CREM: variants seen among roughly 807,000 people sequenced by gnomAD.
The protein encoded by CREM is cAMP responsive element modulator.
Under a neutral mutation model 37.3 loss-of-function variants are expected in CREM, and 13 were observed. That is an observed-to-expected ratio of 0.35 (90% CI 0.23 to 0.55). The LOEUF is 0.55. CREM is among the 20% of genes least tolerant of loss of function. The pLI is 0.88. For missense variants in CREM, 296 were observed against 362.3 expected (o/e 0.82, Z 1.49); for synonymous variants, 124 against 120.2 (o/e 1.03, Z -0.21).
At chr10:35,205,872 C>A (rs957724455) in intron 6 of CREM, among the ~76,000 whole-genome samples, 1 of 150,830 alleles carries the variant, frequency 6.6e-6, no homozygotes, top group Admixed American at 6.6e-5. Flanking sequence ...GTACAAGAAT[C>A]GCTTGAACTG....
intron 1 of CREM, among the ~76,000 whole-genome samples, chr10:35,137,160 A>G (rs1254421087): frequency 6.6e-6 from 1 of 152,078 alleles, no homozygotes; most frequent in African/African-American, 2.4e-5. Flanking sequence ...TTCTTTCCAC[A>G]TGTCAAATAT....
At chr10:35,201,360 G>A in intron 6 of CREM, 1 of 1,394,832 alleles carries the variant, frequency 7.2e-7, no homozygotes. Flanking sequence ...TGGAGTGCCT[G>A]CCATGTGCCA....
intron 7 of CREM, among the ~76,000 whole-genome samples, chr10:35,208,599 C>G (rs1378314648): frequency 6.6e-6 from 1 of 152,172 alleles, no homozygotes; most frequent in Non-Finnish European, 1.5e-5. Flanking sequence ...CCCAGACTCC[C>G]GCTCCCGGCT....
chr10:35,202,855 A>G (rs2095418361), intron 6 of CREM, among the ~76,000 whole-genome samples: 1 of 152,158 alleles, frequency 6.6e-6, no homozygotes. Context: ...TCCCCTTCCA[A>G]GTTATTTTAA....
intron 1 of CREM, among the ~76,000 whole-genome samples, chr10:35,128,565 G>T (rs1408747612): frequency 7.2e-6 from 1 of 138,810 alleles, no homozygotes; most frequent in South Asian, 2.3e-4. Context: ...TCGCTCTGTC[G>T]CCCAGGCTGG....
chr10:35,174,556 C>T (rs959579887), intron 3 of CREM, among the ~76,000 whole-genome samples: 6 of 152,144 alleles, frequency 3.9e-5, no homozygotes, highest in African/African-American at 1.4e-4. Flanking sequence ...AGTTGGAAAT[C>T]ATTGGTGTTC....
chr10:35,132,779 G>T (rs1474516257), intron 1 of CREM, among the ~76,000 whole-genome samples: 1 of 152,152 alleles, frequency 6.6e-6, no homozygotes, highest in African/African-American at 2.4e-5. Context: ...GTCAATTGCA[G>T]CTATATGGCT....
chr10:35,186,761 T>C (rs1187541759), intron 5 of CREM, among the ~76,000 whole-genome samples: 2 of 131,668 alleles, frequency 1.5e-5, no homozygotes, highest in African/African-American at 2.8e-5. Context: ...TATATAGTTA[T>C]ATATAATATA....
At chr10:35,170,185 T>C (rs1036291938) in intron 3 of CREM, among the ~76,000 whole-genome samples, 6 of 152,144 alleles carry the variant, frequency 3.9e-5, no homozygotes, top group African/African-American at 1.4e-4. Flanking sequence ...CAGGATGGTC[T>C]CTATCTCCTG....
chr10:35,148,606 A>G, intron 3 of CREM, 115 bp downstream of exon 3: 3 of 1,152,084 alleles, frequency 2.6e-6, no homozygotes, highest in South Asian at 1.7e-5. Context: ...GTTATCAGCC[A>G]TTCTTGCTTA....
intron 2 of CREM, among the ~76,000 whole-genome samples, chr10:35,143,219 T>G (rs1034729319): frequency 6.6e-6 from 1 of 152,180 alleles, no homozygotes; most frequent in Admixed American, 6.5e-5. Context: ...TCTGCCTGCC[T>G]TGGCCTCCCA....
chr10:35,182,024 A>AAAAT (rs2094374092), intron 5 of CREM, among the ~76,000 whole-genome samples: 2 of 152,254 alleles, frequency 1.3e-5, no homozygotes, highest in African/African-American at 4.8e-5. Context: ...TACAGTCTGC[A>AAAAT]GGTAAAAATT....
At position 35,132,214 on chromosome 10, in the gene CREM, A is replaced by G. The variant is rs544169968; in HGVS notation, c.-55+5021A>G. Among the ~76,000 whole-genome samples, 664 of 151,104 alleles carry G rather than the reference A, an allele frequency of 4.4e-3. 13 individuals carry two copies. The highest frequency in any genetic ancestry group is 0.016 in the African/African-American group (649 of 41,354). ...AGACTTGAGTCTCAAAAAAAAAAAA[A>G]AAAGAAAAAAAAATTGGTTTCACAT... On this transcript the variant is annotated intron_variant, in intron 1 of 7. Coordinates refer to ENST00000685392, the MANE Select transcript of CREM (RefSeq NM_183011.2).
chr10:35,144,262 C>T (rs1020656536), intron 2 of CREM, among the ~76,000 whole-genome samples: 8 of 152,142 alleles, frequency 5.3e-5, no homozygotes, highest in African/African-American at 1.7e-4. Flanking sequence ...TAAGGCTCAA[C>T]GCCTCATGGT....
At chr10:35,168,522 C>T (rs910886737) in intron 3 of CREM, among the ~76,000 whole-genome samples, 1 of 152,128 alleles carries the variant, frequency 6.6e-6, no homozygotes, top group Non-Finnish European at 1.5e-5. Context: ...GAGTAGATTG[C>T]AAAAATTTTT....
chr10:35,147,804 A>G (rs926092433), intron 2 of CREM, among the ~76,000 whole-genome samples: 6 of 152,244 alleles, frequency 3.9e-5, no homozygotes, highest in Non-Finnish European at 7.3e-5. Flanking sequence ...GGTAGTTTTC[A>G]TGAGACATTT....
chr10:35,128,772 G>A (rs992833131), intron 1 of CREM, among the ~76,000 whole-genome samples: 1 of 151,902 alleles, frequency 6.6e-6, no homozygotes, highest in Non-Finnish European at 1.5e-5. Flanking sequence ...TGATCCGCCC[G>A]CGTCGGCCTC....
chr10:35,205,927 C>T (rs1236452433), intron 6 of CREM, among the ~76,000 whole-genome samples: 2 of 151,738 alleles, frequency 1.3e-5, no homozygotes, highest in African/African-American at 4.8e-5. Flanking sequence ...CACTGCACTC[C>T]AGCCTGGAGC....
In CREM at chr10:35,155,519, TAATG is replaced by T. The variant is rs146135082; in HGVS notation, c.168+7032_168+7035del. ...ATGTGTCTTTTACCACAATAAAAGA[TAATG>T]AATAACAAAAAAAATAGGCTAGACA... is the stretch of plus-strand genomic sequence containing the variant. On this transcript the variant is annotated intron_variant, in intron 3 of 7. Coordinates refer to ENST00000685392, the MANE Select transcript of CREM (RefSeq NM_183011.2). Among the ~76,000 whole-genome samples, 1,203 of 152,240 alleles carry T rather than the reference TAATG, an allele frequency of 7.9e-3. 21 individuals carry two copies. Among genetic ancestry groups the T allele is most frequent in the African/African-American group, 0.027 (1,129 of 41,538 alleles).
Sources: gnomAD v4.1 joint callset for allele counts (sites outside exome capture counted in the v4.1 genomes callset) on GRCh38, gnomAD v4.1.1 for gene constraint, MANE v1.5 for transcripts, NCBI Gene and HGNC (gene_info 2026-07-23, HGNC 2026-07-21) for gene names.